Variants in RSPO2 observed in about 807,000 individuals in gnomAD.
RSPO2 encodes R-spondin-2.
Under a neutral mutation model 30.9 loss-of-function variants are expected in RSPO2, and 14 were observed. The observed-to-expected ratio is 0.45, with a 90% CI of 0.30 to 0.71. RSPO2 has a LOEUF of 0.71. Among genes scored for constraint, RSPO2 ranks in the 30% least tolerant of loss-of-function variants. The pLI, the probability that RSPO2 is intolerant of heterozygous loss-of-function variation, is 0.08. For synonymous variants in RSPO2, 107 were observed against 96.4 expected, an observed-to-expected ratio of 1.11 and a Z score of -0.64; for missense variants, 264 against 301.9, an observed-to-expected ratio of 0.87 and a Z score of 0.93.
At chr8:108,059,534 T>C (rs1238376992) in intron 2 of RSPO2, among the ~76,000 whole-genome samples, 1 of 151,258 alleles carries the variant, frequency 6.6e-6, no homozygotes, top group South Asian at 2.1e-4. Flanking sequence ...ATCACGCTGC[T>C]ATAAAGACAC....
chr8:108,002,644 T>C (rs1382426953), intron 2 of RSPO2, among the ~76,000 whole-genome samples: 3 of 152,270 alleles, frequency 2.0e-5, no homozygotes, highest in Middle Eastern at 3.4e-3. Flanking sequence ...TGTCTTAATA[T>C]TAAAAACAAT....
At chr8:108,037,849 G>GT (rs1811645222) in intron 2 of RSPO2, among the ~76,000 whole-genome samples, 2 of 152,164 alleles carry the variant, frequency 1.3e-5, no homozygotes, top group Admixed American at 6.5e-5. Flanking sequence ...TTTACTGAAG[G>GT]TTTTAAGCCC....
chr8:108,042,737 T>C (rs2130659902), intron 2 of RSPO2, among the ~76,000 whole-genome samples: 1 of 152,104 alleles, frequency 6.6e-6, no homozygotes, highest in Admixed American at 6.6e-5. Context: ...GGGGCAACAA[T>C]GGCCCAACAA....
intron 5 of RSPO2, among the ~76,000 whole-genome samples, chr8:107,941,921 T>C (rs1762095501): frequency 6.6e-6 from 1 of 152,162 alleles, no homozygotes; most frequent in South Asian, 2.1e-4. Context: ...TGTGCAGAAA[T>C]CTATATAACT....
At chr8:108,059,570 C>T (rs1417756861) in intron 2 of RSPO2, among the ~76,000 whole-genome samples, 1 of 149,862 alleles carries the variant, frequency 6.7e-6, no homozygotes, top group Non-Finnish European at 1.5e-5. Flanking sequence ...TATTGCGGCA[C>T]TATTCACAAT....
chr8:108,038,952 A>G (rs1027292918), intron 2 of RSPO2, among the ~76,000 whole-genome samples: 1 of 152,176 alleles, frequency 6.6e-6, no homozygotes, highest in Non-Finnish European at 1.5e-5. Context: ...GCCTGTATTT[A>G]TATTATCAGT....
Position 108,065,035 on chromosome 8 carries a change from G to C in RSPO2, c.94+17510C>G, listed in dbSNP as rs181746626. Among the ~76,000 whole-genome samples, 298 of 152,074 alleles carry C rather than the reference G, an allele frequency of 2.0e-3. 2 individuals are homozygous for C. Among genetic ancestry groups the C allele is most frequent in the African/African-American group, 6.5e-3 (270 of 41,444 alleles). On this transcript the variant is annotated intron_variant, in intron 2 of 5. Transcript: ENST00000276659. ...GGGGCCTGTTGTGGGGTGGGGAGAA[G>C]GGGGAGGGATAGCATTAGGATATAT...
At chr8:108,071,886 G>C (rs1199302880) in intron 2 of RSPO2, among the ~76,000 whole-genome samples, 2 of 152,170 alleles carry the variant, frequency 1.3e-5, no homozygotes, top group Non-Finnish European at 2.9e-5. Context: ...TTTAATGTCT[G>C]TTTAGGTATG....
intron 5 of RSPO2, among the ~76,000 whole-genome samples, chr8:107,947,703 T>C (rs1335001448): frequency 6.6e-6 from 1 of 152,228 alleles, no homozygotes; most frequent in Non-Finnish European, 1.5e-5. Context: ...ACCATTTCAG[T>C]CACTTCCATC....
chr8:108,037,331 G>C (rs1465388187), intron 2 of RSPO2, among the ~76,000 whole-genome samples: 2 of 152,174 alleles, frequency 1.3e-5, no homozygotes, highest in African/African-American at 4.8e-5. Flanking sequence ...ATTCCTTTAA[G>C]CCAAAGCCTA....
At chr8:107,964,585 C>A (rs1813736472) in intron 3 of RSPO2, among the ~76,000 whole-genome samples, 1 of 152,098 alleles carries the variant, frequency 6.6e-6, no homozygotes, top group Non-Finnish European at 1.5e-5. Context: ...TCCAGGAGGT[C>A]TCCTACTTGA....
At chr8:108,010,524 A>G (rs970130541) in intron 2 of RSPO2, among the ~76,000 whole-genome samples, 1 of 152,108 alleles carries the variant, frequency 6.6e-6, no homozygotes, top group East Asian at 1.9e-4. Context: ...AATATCTTAC[A>G]CTCCAAGAAG....
chr8:107,929,750 GT>G (rs1032639188), intron 5 of RSPO2, among the ~76,000 whole-genome samples: 5 of 152,080 alleles, frequency 3.3e-5, no homozygotes, highest in Non-Finnish European at 7.4e-5. Context: ...AGAGATTTTA[GT>G]TTTTCAGTAA....
At chr8:107,988,641 T>A (rs1419414163) in intron 3 of RSPO2, among the ~76,000 whole-genome samples, 2 of 152,216 alleles carry the variant, frequency 1.3e-5, no homozygotes, top group African/African-American at 4.8e-5. Context: ...AGACTCTTTT[T>A]TTTTGAGATG....
chr8:108,058,262 A>G (rs556975548), intron 2 of RSPO2, among the ~76,000 whole-genome samples: 1 of 152,208 alleles, frequency 6.6e-6, no homozygotes, highest in South Asian at 2.1e-4. Context: ...CTTCAAAGAA[A>G]ATAAAATACC....
At chr8:107,957,731 C>T (rs1323429622) in intron 5 of RSPO2, among the ~76,000 whole-genome samples, 2 of 152,176 alleles carry the variant, frequency 1.3e-5, no homozygotes, top group Non-Finnish European at 2.9e-5. Flanking sequence ...TTGGCCGCTT[C>T]CCTCAGAGCA....
In RSPO2 at chr8:108,082,695, C is replaced by A; in HGVS notation, c.-57G>T. ...CAAAGTCTAGGAACTGGAGGGTTCG[C>A]CCAAAGAGCCGGCGCCGGCCGCGCT... On this transcript the variant is annotated 5_prime_UTR_variant, in exon 2 of 6. Coordinates refer to ENST00000276659, the MANE Select transcript of RSPO2 (RefSeq NM_178565.5). 6.8e-7 allele frequency: 1 copy of A among 1,474,368 alleles called. No individual in the cohort carries two copies. Among genetic ancestry groups the A allele is most frequent in the Non-Finnish European group, 9.4e-7 (1 of 1,059,622 alleles). 91.3% of individuals were successfully genotyped at this position (1,474,368 alleles called of 1,614,324 possible).
chr8:107,921,854 A>C (rs918989467), intron 5 of RSPO2, among the ~76,000 whole-genome samples: 8 of 152,098 alleles, frequency 5.3e-5, no homozygotes, highest in African/African-American at 1.9e-4. Flanking sequence ...ATACAAAAAA[A>C]CACATGATTA....
chr8:108,081,713 C>T lies in RSPO2; in HGVS notation c.94+832G>A, dbSNP rs186590593. Among the ~76,000 whole-genome samples the T allele has an allele frequency of 1.6e-3, 247 of 152,172 alleles. 5 individuals are homozygous for T. Among genetic ancestry groups the T allele is most frequent in the Admixed American group, 0.016 (245 of 15,296 alleles). Reference sequence around the variant, plus strand: ...TCCCCGAAACCTTTCTGGAGGCTTCCACCCGCCTTCTCCGCTACGCACAAG... The same window carrying T: ...TCCCCGAAACCTTTCTGGAGGCTTCTACCCGCCTTCTCCGCTACGCACAAG... On this transcript the variant is annotated intron_variant, in intron 2 of 5. Coordinates refer to ENST00000276659, the MANE Select transcript of RSPO2 (RefSeq NM_178565.5).
Sources: allele counts gnomAD v4.1 joint callset (sites outside exome capture counted in the v4.1 genomes callset), GRCh38; gene constraint gnomAD v4.1.1; transcripts MANE v1.5; gene names NCBI Gene and HGNC (gene_info 2026-07-23, HGNC 2026-07-21).